Variants in ZNF578 observed in about 807,000 individuals in gnomAD.
ZNF578 encodes the protein zinc finger protein 578, also known as Putative chemokine-related protein B42.
Under a neutral mutation model 8.3 loss-of-function variants are expected in ZNF578, and 8 were observed. The observed-to-expected ratio is 0.96, with a 90% CI of 0.56 to 1.74. ZNF578 has a LOEUF of 1.74. Ranked by LOEUF, ZNF578 falls within the 40% of genes most tolerant of loss-of-function variation. The pLI, the probability that ZNF578 is intolerant of heterozygous loss-of-function variation, is 0.00. For missense variants in ZNF578, 726 were observed against 707.5 expected, an observed-to-expected ratio of 1.03 and a Z score of -0.30; for synonymous variants, 206 against 232.2, an observed-to-expected ratio of 0.89 and a Z score of 1.03.
At chr19:52,491,693 C>T (rs2059365478) in intron 3 of ZNF578, among the ~76,000 whole-genome samples, 1 of 151,582 alleles carries the variant, frequency 6.6e-6, no homozygotes, top group Admixed American at 6.6e-5. Flanking sequence ...CCAGCATGGG[C>T]CACAGAGAAA....
rs1158666724 is a variant in ZNF578 at position 52,515,744 on chromosome 19, G to T, written c.*3590G>T. 2.0e-5 allele frequency among the ~76,000 whole-genome samples: 3 copies of T among 146,922 alleles called. No individual in the cohort carries two copies. Among genetic ancestry groups the T allele is most frequent in the Admixed American group, 1.4e-4 (2 of 14,700 alleles). ...GTCTGGGTGTGGCTTTTTTTTTTTTGAGGAGTGCCCAGTTGTGATTAGAAT... is the reference window on the plus strand; with the variant it reads ...GTCTGGGTGTGGCTTTTTTTTTTTTTAGGAGTGCCCAGTTGTGATTAGAAT... On this transcript the variant is annotated 3_prime_UTR_variant, in exon 6 of 6. Transcript: ENST00000421239.
chr19:52,467,782 A>G (rs968546288), intron 2 of ZNF578, among the ~76,000 whole-genome samples: 4 of 152,222 alleles, frequency 2.6e-5, no homozygotes, highest in African/African-American at 9.6e-5. Flanking sequence ...TACATTTCCT[A>G]TCAAGGTGTT....
Position 52,511,569 on chromosome 19 carries a change from G to T in ZNF578, c.1188G>T (p.Glu396Asp). The change falls in exon 6 of 6, where the codon GAG becomes GAT. Residue 396 changes from glutamate to aspartate, a missense_variant. Coordinates refer to ENST00000421239, the MANE Select transcript of ZNF578 (RefSeq NM_001099694.2). ...TTCATAAGGCAATTCATACTGGAGAGAAACCTTACAAGTGTAATGAATGTG... is the reference window on the plus strand; with the variant it reads ...TTCATAAGGCAATTCATACTGGAGATAAACCTTACAAGTGTAATGAATGTG... ...LVIHKAIHTGEKPYKCNECGK... is the reference protein window; with the variant it reads ...LVIHKAIHTGDKPYKCNECGK... 1 of 1,613,022 alleles carries T rather than the reference G, an allele frequency of 6.2e-7. No individual in the cohort carries two copies. The highest frequency in any genetic ancestry group is 8.5e-7 in the Non-Finnish European group (1 of 1,178,992).
chr19:52,458,212 C>A (rs1182734834), intron 2 of ZNF578: 1 of 152,444 alleles, frequency 6.6e-6, no homozygotes, highest in African/African-American at 2.4e-5. Context: ...TGTTTAACAG[C>A]AAGAGATTCT....
At chr19:52,486,528 T>C (rs1034770212) in intron 2 of ZNF578, among the ~76,000 whole-genome samples, 2 of 152,160 alleles carry the variant, frequency 1.3e-5, no homozygotes, top group African/African-American at 2.4e-5. Flanking sequence ...AAGCTAGATA[T>C]ACAGAGACAT....
chr19:52,485,941 C>T (rs1407913129), intron 2 of ZNF578, among the ~76,000 whole-genome samples: 1 of 152,126 alleles, frequency 6.6e-6, no homozygotes, highest in African/African-American at 2.4e-5. Context: ...GACCATCCCC[C>T]AGCCCGACAC....
intron 1 of ZNF578, chr19:52,454,350 T>C (rs1386192965): frequency 6.6e-6 from 1 of 152,176 alleles, no homozygotes; most frequent in Non-Finnish European, 1.5e-5. Flanking sequence ...GTCCCATAAT[T>C]TACCTCACTT....
At chr19:52,473,011 T>G (rs2059296872) in intron 2 of ZNF578, among the ~76,000 whole-genome samples, 2 of 152,244 alleles carry the variant, frequency 1.3e-5, no homozygotes, top group East Asian at 1.9e-4. Context: ...ATTTCTTGCA[T>G]AAGTCTTCTG....
intron 2 of ZNF578, among the ~76,000 whole-genome samples, chr19:52,484,405 G>A (rs12461823): frequency 0.55 from 84,133 of 151,970 alleles, 23,528 homozygotes; most frequent in African/African-American, 0.63. Context: ...CTTTACGGGT[G>A]TCGGGCTAGG....
rs116903624 is a variant in ZNF578 at position 52,460,831 on chromosome 19, T to A, written c.-122+3873T>A. ...TCAATTGAGATGATGGCATTGTTTT[T>A]GTTCTGAATTATATTAATAGTAGTG... On this transcript the variant is annotated intron_variant, in intron 2 of 5. Transcript: ENST00000421239. Among the ~76,000 whole-genome samples the A allele has an allele frequency of 4.3e-4, 65 of 152,284 alleles. No individual in the cohort carries two copies. The East Asian group carries it at 0.011, about 27-fold the overall frequency.
chr19:52,516,602 G>T lies in ZNF578; in HGVS notation c.*4448G>T, dbSNP rs2059477267. ...GAAAGAAGTGAAAATACCCTTAAGT[G>T]ATGACATTCCACCATTGTGATTTAT... On this transcript the variant is annotated 3_prime_UTR_variant, in exon 6 of 6. Coordinates refer to ENST00000421239, the MANE Select transcript of ZNF578 (RefSeq NM_001099694.2). Among the ~76,000 whole-genome samples the T allele has an allele frequency of 6.6e-6, 1 of 152,188 alleles. No individual in the cohort carries two copies. The highest frequency in any genetic ancestry group is 1.5e-5 in the Non-Finnish European group (1 of 68,026).
chr19:52,497,542 A>G (rs993518535), intron 3 of ZNF578, among the ~76,000 whole-genome samples: 13 of 152,144 alleles, frequency 8.5e-5, no homozygotes, highest in African/African-American at 3.1e-4. Context: ...AAAGTATGAT[A>G]TATTTTCAAC....
At chr19:52,458,449 C>A (rs1312677020) in intron 2 of ZNF578, 26 of 72,786 alleles carry the variant, frequency 3.6e-4, no homozygotes, top group Non-Finnish European at 5.7e-4. Flanking sequence ...AAAAAAAAAA[C>A]AACAACTTGC....
chr19:52,496,058 C>T (rs1421006413), intron 3 of ZNF578, among the ~76,000 whole-genome samples: 1 of 152,020 alleles, frequency 6.6e-6, no homozygotes, highest in African/African-American at 2.4e-5. Flanking sequence ...CTCTCTCTGT[C>T]ACGCAGGCTG....
intron 2 of ZNF578, among the ~76,000 whole-genome samples, chr19:52,488,041 G>A (rs372083761): frequency 6.7e-6 from 1 of 149,662 alleles, no homozygotes; most frequent in East Asian, 2.0e-4. Flanking sequence ...CACAAACTCC[G>A]CTTGTCGGCT....
intron 3 of ZNF578, among the ~76,000 whole-genome samples, chr19:52,501,532 G>C (rs1347745076): frequency 6.6e-6 from 1 of 152,146 alleles, no homozygotes; most frequent in African/African-American, 2.4e-5. Context: ...CTCTGGATGC[G>C]GTTTGATCAG....
Position 52,466,062 on chromosome 19 carries a change from C to G in ZNF578, c.-122+9104C>G, listed in dbSNP as rs541659621. ...TCAAGGTAGGAGCCTGCAAAAGGCCCTGATCTCTGGTCTCCACACTATTGT... is the reference window on the plus strand; with the variant it reads ...TCAAGGTAGGAGCCTGCAAAAGGCCGTGATCTCTGGTCTCCACACTATTGT... On this transcript the variant is annotated intron_variant, in intron 2 of 5. Transcript: ENST00000421239. 5.3e-5 allele frequency among the ~76,000 whole-genome samples: 8 copies of G among 152,336 alleles called. No individual in the cohort carries two copies. In the South Asian group the frequency reaches 1.7e-3, roughly 32 times the overall value.
intron 3 of ZNF578, among the ~76,000 whole-genome samples, chr19:52,493,305 C>G (rs1235028780): frequency 6.6e-6 from 1 of 152,068 alleles, no homozygotes; most frequent in Admixed American, 6.5e-5. Flanking sequence ...CGCCGTCGCC[C>G]CCTACGTCCC....
At chr19:52,490,040 T>C (rs2072637043) in intron 2 of ZNF578, among the ~76,000 whole-genome samples, 1 of 152,214 alleles carries the variant, frequency 6.6e-6, no homozygotes, top group African/African-American at 2.4e-5. Flanking sequence ...TTTTGGCCAA[T>C]ATAAACATTC....
Sources: gnomAD v4.1 joint callset for allele counts (sites outside exome capture counted in the v4.1 genomes callset) on GRCh38, gnomAD v4.1.1 for gene constraint, MANE v1.5 for transcripts, NCBI Gene and HGNC (gene_info 2026-07-23, HGNC 2026-07-21) for gene names.